The following VTCN1 variants were observed in gnomAD, a reference collection of about 807,000 sequenced individuals.
The protein encoded by VTCN1 is V-set domain containing T cell activation inhibitor 1.
In VTCN1, 26 loss-of-function variants were observed where a neutral mutation model predicts 26.5. The ratio of observed to expected loss-of-function variants is 0.98; its 90% CI spans 0.72 to 1.36. The LOEUF is 1.36. VTCN1 is among the 40% of genes most tolerant of loss of function. VTCN1 has a pLI of 0.00. For synonymous variants in VTCN1, 116 were observed against 130.7 expected, an observed-to-expected ratio of 0.89 and a Z score of 0.77; for missense variants, 298 against 337.7, an observed-to-expected ratio of 0.88 and a Z score of 0.92.
intron 2 of VTCN1, among the ~76,000 whole-genome samples, chr1:117,164,629 C>T (rs1652520848): frequency 6.6e-6 from 1 of 152,154 alleles, no homozygotes; most frequent in South Asian, 2.1e-4. Context: ...AATGACCCTG[C>T]CTATTTTACC....
At chr1:117,181,490 CTCTCTGCTTAGA>C (rs1647670071) in intron 1 of VTCN1, among the ~76,000 whole-genome samples, 1 of 152,228 alleles carries the variant, frequency 6.6e-6, no homozygotes, top group Non-Finnish European at 1.5e-5. Context: ...TGCCCAGTTG[CTCTCTGCTTAGA>C]ACACCCTTCC....
rs1422577002 is a variant in VTCN1 at position 117,161,061 on chromosome 1, G to A, written c.98-4140C>T. Among the ~76,000 whole-genome samples, 1 of 152,186 alleles carries A rather than the reference G, an allele frequency of 6.6e-6. No homozygotes were observed. The highest frequency in any genetic ancestry group is 6.5e-5 in the Admixed American group (1 of 15,280). On this transcript the variant is annotated intron_variant, in intron 2 of 5. Transcript: ENST00000369458. The surrounding 1 kb of genome is among the most constrained non-coding windows in gnomAD (Gnocchi z 4.3). ...CACTTTGGAAGCAGCTGCCATGCAT[G>A]GCCATTCCTGTGGGAGATCTGGGAG...
intron 2 of VTCN1, among the ~76,000 whole-genome samples, chr1:117,166,753 C>A (rs868674988): frequency 1.1e-4 from 17 of 151,290 alleles, no homozygotes; most frequent in Middle Eastern, 3.5e-3. Context: ...AAAGTTATTC[C>A]AAAATATTTG....
At chr1:117,173,265 A>G in intron 1 of VTCN1, 1 of 694,092 alleles carries the variant, frequency 1.4e-6, no homozygotes, top group Non-Finnish European at 2.7e-6. Context: ...ACACAATTGC[A>G]GATGTAGTTA....
Position 117,154,570 on chromosome 1 carries a change from G to T in VTCN1, c.446-1201C>A, listed in dbSNP as rs558203760. Among the ~76,000 whole-genome samples the T allele has an allele frequency of 2.7e-3, 413 of 152,176 alleles. 2 individuals carry two copies. The highest frequency in any genetic ancestry group is 9.5e-3 in the African/African-American group (393 of 41,524). On this transcript the variant is annotated intron_variant, in intron 3 of 5. Transcript: ENST00000369458. ...AGGCTGAGGTGGGCAGATCACCTGA[G>T]GTCGGGAGCTTGAGACCAGCCTGAC...
intron 1 of VTCN1, among the ~76,000 whole-genome samples, chr1:117,208,416 A>G (rs1478328171): frequency 6.6e-6 from 1 of 152,038 alleles, no homozygotes; most frequent in Admixed American, 6.6e-5. Context: ...TCCCCTTGCA[A>G]CCTGTGCTTA....
At position 117,156,622 on chromosome 1, in the gene VTCN1, T is replaced by C. The variant is rs1204356738; in HGVS notation, c.397A>G (p.Ile133Val). The change falls in exon 3 of 6, where the codon ATC (isoleucine) becomes GTC (valine). Residue 133 changes from isoleucine (I) to valine (V), a missense_variant. By Grantham distance (29) the Ile-to-Val change is conservative. Coordinates refer to ENST00000369458, the MANE Select transcript of VTCN1 (RefSeq NM_024626.4). Reference sequence around the variant, plus strand: ...GCATTCCCCTTGCCTTTAGAAGTGATGATATAACATTTGTAGGTGCCAGCA... The same window carrying C: ...GCATTCCCCTTGCCTTTAGAAGTGACGATATAACATTTGTAGGTGCCAGCA... ...TDAGTYKCYIITSKGKGNANL... is the reference protein window; with the variant it reads ...TDAGTYKCYIVTSKGKGNANL... The C allele has an allele frequency of 6.2e-7, 1 of 1,613,204 alleles. No homozygotes were observed. The highest frequency in any genetic ancestry group is 1.3e-5 in the African/African-American group (1 of 75,028).
intron 1 of VTCN1, among the ~76,000 whole-genome samples, chr1:117,185,958 C>T (rs1424089676): frequency 2.6e-5 from 4 of 152,170 alleles, no homozygotes; most frequent in South Asian, 2.1e-4. Context: ...TGGGCACATA[C>T]CGTCAAGACC....
intron 1 of VTCN1, among the ~76,000 whole-genome samples, chr1:117,180,867 C>T (rs1425719770): frequency 6.6e-6 from 1 of 152,226 alleles, no homozygotes; most frequent in Admixed American, 6.5e-5. Context: ...CAGGGACAGC[C>T]TGATCATTTC....
At chr1:117,200,902 C>A (rs1299734579) in intron 1 of VTCN1, among the ~76,000 whole-genome samples, 18 of 152,134 alleles carry the variant, frequency 1.2e-4, no homozygotes, top group Admixed American at 1.2e-3. Context: ...TAGGCGTAAT[C>A]CCAGCTACTA....
chr1:117,204,933 A>G (rs182920818), intron 1 of VTCN1, among the ~76,000 whole-genome samples: 1 of 151,510 alleles, frequency 6.6e-6, no homozygotes, highest in Admixed American at 6.6e-5. Flanking sequence ...CAAGCTGCCT[A>G]CTTTATTCTG....
At chr1:117,209,710 G>C (rs1393713302) in intron 1 of VTCN1, among the ~76,000 whole-genome samples, 1 of 152,210 alleles carries the variant, frequency 6.6e-6, no homozygotes, top group Non-Finnish European at 1.5e-5. Context: ...GCACAGGGGT[G>C]GGGGCAGAAG....
Position 117,175,647 on chromosome 1 carries a change from G to A in VTCN1, c.33-5476C>T, listed in dbSNP as rs768658515. 1.8e-4 allele frequency among the ~76,000 whole-genome samples: 27 copies of A among 152,108 alleles called. No homozygotes were observed. The highest frequency in any genetic ancestry group is 2.1e-4 in the South Asian group (1 of 4,826). On this transcript the variant is annotated intron_variant, in intron 1 of 5. Transcript: ENST00000369458. The surrounding 1 kb of genome is among the most constrained non-coding windows in gnomAD (Gnocchi z 4.2). ...TCCATGTTGTCCTGCCATCATTCCC[G>A]TTTTGCAACCACACATGAGCTCATT...
chr1:117,186,889 C>T (rs1647970275), intron 1 of VTCN1, among the ~76,000 whole-genome samples: 1 of 151,256 alleles, frequency 6.6e-6, no homozygotes, highest in Non-Finnish European at 1.5e-5. Context: ...ATTCAGGCCC[C>T]AGAATTGACC....
At chr1:117,185,412 TG>T (rs1244739797) in intron 1 of VTCN1, among the ~76,000 whole-genome samples, 2 of 152,196 alleles carry the variant, frequency 1.3e-5, no homozygotes, top group African/African-American at 4.8e-5. Context: ...ATACCTAGGC[TG>T]GGGATGTCCT....
rs1194641934 is a variant in VTCN1, at chr1:117,156,829, G to A, written c.190C>T (p.Leu64Phe). Residue 64 changes from leucine (L) to phenylalanine (F), a missense_variant, in exon 3 of 6, where the codon CTT becomes TTT. Physicochemically the swap from Leu to Phe is conservative, Grantham distance 22. Coordinates refer to ENST00000369458, the MANE Select transcript of VTCN1 (RefSeq NM_024626.4). The part of the protein sequence containing the change: ...LSCTFEPDIK[L>F]SDIVIQWLKE... ...AGCCATTGTATCACGATATCAGAAAGTTTGATGTCAGGTTCAAAAGTGCAG... is the reference window on the plus strand; with the variant it reads ...AGCCATTGTATCACGATATCAGAAAATTTGATGTCAGGTTCAAAAGTGCAG... The A allele has an allele frequency of 4.3e-6, 7 of 1,613,908 alleles. No homozygotes were observed. Among genetic ancestry groups the A allele is most frequent in the African/African-American group, 1.3e-5 (1 of 74,850 alleles).
At chr1:117,200,084 AAAAAG>A (rs1466083065) in intron 1 of VTCN1, among the ~76,000 whole-genome samples, 6 of 152,232 alleles carry the variant, frequency 3.9e-5, no homozygotes, top group African/African-American at 1.4e-4. Context: ...GGCAAAAACA[AAAAAG>A]AAAAGAGTCA....
At chr1:117,153,645 A>G (rs1285850827) in intron 3 of VTCN1, among the ~76,000 whole-genome samples, 1 of 152,120 alleles carries the variant, frequency 6.6e-6, no homozygotes, top group Non-Finnish European at 1.5e-5. Flanking sequence ...GTTACAATAG[A>G]AAATTTTCTC....
rs61506654 is a variant in VTCN1, at chr1:117,145,530, G to A, written c.*46-305C>T. On this transcript the variant is annotated intron_variant, in intron 5 of 5. Coordinates refer to ENST00000369458, the MANE Select transcript of VTCN1 (RefSeq NM_024626.4). This position sits in a 1 kb window ranked among gnomAD's most constrained non-coding sequence, Gnocchi z 4.6. ...TCTGGGCAGGCTCCTGAATAGAGGT[G>A]GAAAGGTGGTTTCTGCCTCAATTCC... 0.049 allele frequency among the ~76,000 whole-genome samples: 7,450 copies of A among 152,220 alleles called. 605 individuals carry two copies. The highest frequency in any genetic ancestry group is 0.17 in the African/African-American group (6,857 of 41,514).
Sources: gnomAD v4.1 joint callset for allele counts (sites outside exome capture counted in the v4.1 genomes callset) on GRCh38, gnomAD v4.1.1 for gene constraint, Gnocchi (gnomAD v3.1) non-coding constraint, MANE v1.5 for transcripts, NCBI Gene and HGNC (gene_info 2026-07-23, HGNC 2026-07-21) for gene names.